Variants in ZNF585A observed in about 807,000 individuals in gnomAD.
ZNF585A encodes the protein zinc finger protein 585A.
Under a neutral mutation model 14.9 loss-of-function variants are expected in ZNF585A, and 9 were observed. The observed-to-expected ratio is 0.60, with a 90% CI of 0.36 to 1.05. The LOEUF (loss-of-function observed/expected upper bound fraction) is 1.05, where lower values mean the gene tolerates loss of function less well. Among genes scored for constraint, ZNF585A ranks in the 50% least tolerant of loss-of-function variants. The pLI is 0.01. For synonymous variants in ZNF585A, 276 were observed against 319.9 expected (o/e 0.86, Z 1.46); for missense variants, 726 against 926.4 (o/e 0.78, Z 2.81).
chr19:37,151,258 T>C lies in ZNF585A; in HGVS notation c.*331A>G. ...TATACCTAATCCACAGTAAACAGGA[T>C]TATCGTTAACTTAATACGATCTTTC... On this transcript the variant is annotated 3_prime_UTR_variant, in exon 5 of 5. Coordinates refer to ENST00000292841, the MANE Select transcript of ZNF585A (RefSeq NM_001288800.2). 1 of 438,864 alleles carries C rather than the reference T, an allele frequency of 2.3e-6. No homozygotes were observed. The highest frequency in any genetic ancestry group is 4.0e-6 in the Non-Finnish European group (1 of 249,338). The allele number at this position is 438,864 out of a possible 1,614,324, so 27.2% of individuals were successfully genotyped here.
chr19:37,151,026 CT>C lies in ZNF585A; in HGVS notation c.*562del, dbSNP rs202081603. ...ACGTCTGTATACATAAAGGTTTTTTCTTTTTTTTTTTGTAGCATCTCTTTCT... is the reference window on the plus strand; with the variant it reads ...ACGTCTGTATACATAAAGGTTTTTTCTTTTTTTTTTGTAGCATCTCTTTCT... On this transcript the variant is annotated 3_prime_UTR_variant, in exon 5 of 5. Coordinates refer to ENST00000292841, the MANE Select transcript of ZNF585A (RefSeq NM_001288800.2). The C allele has an allele frequency of 0.019, 3,651 of 193,894 alleles. No individual in the cohort carries two copies. Among genetic ancestry groups the C allele is most frequent in the East Asian group, 0.032 (294 of 9,150 alleles). 12.0% of individuals were successfully genotyped at this position (193,894 alleles called of 1,614,324 possible).
chr19:37,158,119 C>T (rs1971959938), intron 2 of ZNF585A, among the ~76,000 whole-genome samples: 1 of 152,190 alleles, frequency 6.6e-6, no homozygotes, highest in East Asian at 1.9e-4. Flanking sequence ...ATCTCCTGAC[C>T]TCACGATCTA....
chr19:37,148,524 G>C lies in ZNF585A; in HGVS notation c.*3065C>G, dbSNP rs1357876266. On this transcript the variant is annotated 3_prime_UTR_variant, in exon 5 of 5. Transcript: ENST00000292841. The stretch of plus-strand genomic sequence containing the variant: ...GGAGTGGGAAAAGGGACTAAAAAGG[G>C]ATAGGAAAGAAGTTAGGGAAGTGAG... 6.6e-6 allele frequency: 1 copy of C among 152,120 alleles called. No individual in the cohort carries two copies. The highest frequency in any genetic ancestry group is 1.5e-5 in the Non-Finnish European group (1 of 68,038). The allele number at this position is 152,120 out of a possible 1,614,324, so 9.4% of individuals were successfully genotyped here.
intron 2 of ZNF585A, among the ~76,000 whole-genome samples, chr19:37,169,031 T>G (rs1206887458): frequency 6.6e-6 from 1 of 152,234 alleles, no homozygotes; most frequent in Admixed American, 6.5e-5. Flanking sequence ...CCTATAACAC[T>G]TTTCAGGGTG....
In ZNF585A at chr19:37,153,694, T is replaced by C. The variant is rs1971878590; in HGVS notation, c.293-88A>G. On this transcript the variant is annotated intron_variant, in intron 4 of 4. Coordinates refer to ENST00000292841, the MANE Select transcript of ZNF585A (RefSeq NM_001288800.2). ...ATTCTTTGAAGGATTATTTTTATTATGACTGTATAAATCTAAATTATGCTT... is the reference window on the plus strand; with the variant it reads ...ATTCTTTGAAGGATTATTTTTATTACGACTGTATAAATCTAAATTATGCTT... The C allele has an allele frequency of 2.6e-6, 3 of 1,175,602 alleles. No individual in the cohort carries two copies. In the Admixed American group the frequency reaches 7.0e-5, roughly 28 times the overall value. The allele number at this position is 1,175,602 out of a possible 1,614,324, so 72.8% of individuals were successfully genotyped here. A position where few individuals can be genotyped will look rare whatever the true frequency, so the allele number is the denominator to read the frequency against.
chr19:37,162,868 A>T (rs2145410422), intron 2 of ZNF585A, among the ~76,000 whole-genome samples: 1 of 152,290 alleles, frequency 6.6e-6, no homozygotes, highest in South Asian at 2.1e-4. Flanking sequence ...AGAAAAAATA[A>T]CTAATGGGTA....
intron 1 of ZNF585A, among the ~76,000 whole-genome samples, chr19:37,170,650 A>G (rs1369046721): frequency 6.6e-6 from 1 of 152,106 alleles, no homozygotes; most frequent in Non-Finnish European, 1.5e-5. Flanking sequence ...TGTCCAGCTA[A>G]TTTTTGGTAA....
intron 2 of ZNF585A, among the ~76,000 whole-genome samples, chr19:37,163,958 C>T (rs1052190926): frequency 6.6e-6 from 1 of 152,118 alleles, no homozygotes; most frequent in African/African-American, 2.4e-5. Flanking sequence ...AAAGGCATAT[C>T]TGGAGTTGCC....
intron 2 of ZNF585A, among the ~76,000 whole-genome samples, chr19:37,165,195 T>TA (rs971513411): frequency 6.6e-6 from 1 of 151,834 alleles, no homozygotes; most frequent in Non-Finnish European, 1.5e-5. Flanking sequence ...CCGTGTCTAC[T>TA]AAAAAAATAC....
rs572220070 is a variant in ZNF585A at position 37,154,237 on chromosome 19, T to C, written c.293-631A>G. On this transcript the variant is annotated intron_variant, in intron 4 of 4. Coordinates refer to ENST00000292841, the MANE Select transcript of ZNF585A (RefSeq NM_001288800.2). ...TAAACTAAATGAACAGATAACACCATGGACAGATGTGGAAAAAGTAAGGCA... is the reference window on the plus strand; with the variant it reads ...TAAACTAAATGAACAGATAACACCACGGACAGATGTGGAAAAAGTAAGGCA... Among the ~76,000 whole-genome samples the C allele has an allele frequency of 5.9e-5, 9 of 152,260 alleles. No homozygotes were observed. In the South Asian group the frequency reaches 1.0e-3, roughly 18 times the overall value.
chr19:37,152,087 C>T lies in ZNF585A; in HGVS notation c.1812G>A (p.Lys604=). 1.2e-6 allele frequency: 2 copies of T among 1,602,162 alleles called. No individual in the cohort carries two copies. The highest frequency in any genetic ancestry group is 1.7e-6 in the Non-Finnish European group (2 of 1,172,686). ...TCCCACAGTCACTGCATTCATAAGGCTTCTCTCCAGTATGAATTCTTTGAT... is the reference window on the plus strand; with the variant it reads ...TCCCACAGTCACTGCATTCATAAGGTTTCTCTCCAGTATGAATTCTTTGAT... ...ITHQRIHTGE[K]PYECSDCGKS... The change falls in exon 5 of 5, where the codon AAG becomes AAA. Residue 604 remains lysine (K), a synonymous_variant. Coordinates refer to ENST00000292841, the MANE Select transcript of ZNF585A (RefSeq NM_001288800.2).
At chr19:37,160,108 G>C (rs1328000114) in intron 2 of ZNF585A, among the ~76,000 whole-genome samples, 2 of 152,052 alleles carry the variant, frequency 1.3e-5, no homozygotes, top group Admixed American at 1.3e-4. Context: ...CAAAGTGGGA[G>C]GATTGCTTGA....
rs1444948972 is a variant in ZNF585A at position 37,148,575 on chromosome 19, G to C, written c.*3014C>G. On this transcript the variant is annotated 3_prime_UTR_variant, in exon 5 of 5. Coordinates refer to ENST00000292841, the MANE Select transcript of ZNF585A (RefSeq NM_001288800.2). ...GGGCCTGTTCTTCATCTTGATTGTG[G>C]TGTTGATTGCATGATTAGATACAAC... The C allele has an allele frequency of 6.6e-6, 1 of 152,136 alleles. No homozygotes were observed. The highest frequency in any genetic ancestry group is 1.5e-5 in the Non-Finnish European group (1 of 68,040). The allele number at this position is 152,136 out of a possible 1,614,324, so 9.4% of individuals were successfully genotyped here.
chr19:37,164,471 T>C (rs954834447), intron 2 of ZNF585A, among the ~76,000 whole-genome samples: 1 of 151,928 alleles, frequency 6.6e-6, no homozygotes, highest in African/African-American at 2.4e-5. Flanking sequence ...ACTTTAATAA[T>C]ATCTCTCAGC....
chr19:37,158,277 C>A (rs1481116613), intron 2 of ZNF585A, among the ~76,000 whole-genome samples: 1 of 152,074 alleles, frequency 6.6e-6, no homozygotes. Context: ...AATGAAATAA[C>A]AGATTTAGAC....
chr19:37,152,097 G>A lies in ZNF585A; in HGVS notation c.1802C>T (p.Thr601Ile), dbSNP rs749852992. 3.1e-6 allele frequency: 5 copies of A among 1,603,108 alleles called. No individual in the cohort carries two copies. The highest frequency in any genetic ancestry group is 3.4e-6 in the Non-Finnish European group (4 of 1,172,882). The change falls in exon 5 of 5, where the codon ACT becomes ATT. Residue 601 changes from threonine to isoleucine, a missense_variant. Around this residue, in one of 2 missense-constraint regions of ZNF585A, gnomAD observed 243 missense variants for 383.6 expected, o/e 0.63. Transcript: ENST00000292841. The stretch of plus-strand genomic sequence containing the variant: ...ACTGCATTCATAAGGCTTCTCTCCA[G>A]TATGAATTCTTTGATGAGTAATAAA... ...SNFITHQRIHTGEKPYECSDC... is the reference protein window; with the variant it reads ...SNFITHQRIHIGEKPYECSDC...
At chr19:37,159,761 G>A (rs1272871932) in intron 2 of ZNF585A, among the ~76,000 whole-genome samples, 1 of 151,964 alleles carries the variant, frequency 6.6e-6, no homozygotes, top group Non-Finnish European at 1.5e-5. Flanking sequence ...AAATCTCCAA[G>A]CAAATTAAAA....
chr19:37,167,221 C>T (rs544603495), intron 2 of ZNF585A, among the ~76,000 whole-genome samples: 1 of 152,192 alleles, frequency 6.6e-6, no homozygotes, highest in African/African-American at 2.4e-5. Context: ...GTCGCCTGGG[C>T]TGAAGTGCAG....
intron 2 of ZNF585A, among the ~76,000 whole-genome samples, chr19:37,157,610 C>A (rs1009525858): frequency 6.6e-6 from 1 of 151,906 alleles, no homozygotes; most frequent in Non-Finnish European, 1.5e-5. Context: ...AAAGTGTAAC[C>A]CAGAATATGG....
Sources: gnomAD v4.1 joint callset for allele counts (sites outside exome capture counted in the v4.1 genomes callset) on GRCh38, gnomAD v4.1.1 for gene constraint, gnomAD v4.1.1 regional missense constraint, MANE v1.5 for transcripts, NCBI Gene and HGNC (gene_info 2026-07-23, HGNC 2026-07-21) for gene names.